The following RIPOR2 variants were observed in gnomAD, a reference collection of about 807,000 sequenced individuals.
RIPOR2 encodes the protein rho family-interacting cell polarization regulator 2.
In RIPOR2, 39 loss-of-function variants were observed where a neutral mutation model predicts 114.5. The observed-to-expected ratio is 0.34, with a 90% confidence interval of 0.26 to 0.44. The LOEUF is 0.44. Among genes scored for constraint, RIPOR2 ranks in the 20% least tolerant of loss-of-function variants. RIPOR2 has a pLI of 1.00. For synonymous variants in RIPOR2, 445 were observed against 484.4 expected (o/e 0.92, Z 1.07); for missense variants, 1,007 against 1,255.1 (o/e 0.80, Z 2.99).
At chr6:24,987,471 G>A (rs1165260171) in intron 1 of RIPOR2, among the ~76,000 whole-genome samples, 2 of 152,174 alleles carry the variant, frequency 1.3e-5, no homozygotes, top group Non-Finnish European at 2.9e-5. Context: ...TGCAAGACAA[G>A]CTGTCCCAGA....
chr6:24,833,411 G>T (rs1255211218), intron 15 of RIPOR2, among the ~76,000 whole-genome samples: 2 of 152,084 alleles, frequency 1.3e-5, no homozygotes, highest in Non-Finnish European at 2.9e-5. Flanking sequence ...TGAGGCAGGA[G>T]AGTCGCTTGA....
At chr6:24,996,526 T>C (rs1178404876) in intron 1 of RIPOR2, among the ~76,000 whole-genome samples, 1 of 152,208 alleles carries the variant, frequency 6.6e-6, no homozygotes, top group Admixed American at 6.5e-5. Context: ...TGAATGGCCT[T>C]ATGCCCTCAA....
At chr6:24,964,311 C>A (rs1773433842) in intron 1 of RIPOR2, among the ~76,000 whole-genome samples, 1 of 152,186 alleles carries the variant, frequency 6.6e-6, no homozygotes, top group Non-Finnish European at 1.5e-5. Flanking sequence ...CCTCCCATCA[C>A]TGTCCTTAAT....
At chr6:25,030,082 CCT>C (rs1280258613) in intron 1 of RIPOR2, among the ~76,000 whole-genome samples, 4 of 152,082 alleles carry the variant, frequency 2.6e-5, no homozygotes, top group African/African-American at 9.6e-5. Flanking sequence ...GTGTCTCTCC[CCT>C]CTCTCCCATC....
chr6:24,957,531 G>A (rs1049286217), intron 1 of RIPOR2, among the ~76,000 whole-genome samples: 15 of 152,208 alleles, frequency 9.9e-5, no homozygotes, highest in Non-Finnish European at 8.8e-5. Context: ...AGAGCCATGG[G>A]AGTCAGGAAA....
intron 4 of RIPOR2, among the ~76,000 whole-genome samples, chr6:24,872,400 A>G (rs931209776): frequency 3.9e-5 from 6 of 152,064 alleles, no homozygotes; most frequent in African/African-American, 1.4e-4. Context: ...AAAAACACAG[A>G]CGGGGGGTGG....
chr6:24,965,695 A>T (rs1381764336), intron 1 of RIPOR2, among the ~76,000 whole-genome samples: 1 of 152,188 alleles, frequency 6.6e-6, no homozygotes, highest in Non-Finnish European at 1.5e-5. Flanking sequence ...TGATTTTTTT[A>T]AAAAACATTT....
At chr6:24,806,633 T>C (rs1780790196) in intron 21 of RIPOR2, among the ~76,000 whole-genome samples, 160 bp from the exon 22 acceptor site, 1 of 152,224 alleles carries the variant, frequency 6.6e-6, no homozygotes, top group Non-Finnish European at 1.5e-5. Flanking sequence ...ATTATGTCAT[T>C]GTTTTCCAGG....
At chr6:24,874,772 A>T (rs1250944635) in intron 2 of RIPOR2, among the ~76,000 whole-genome samples, 1 of 152,246 alleles carries the variant, frequency 6.6e-6, no homozygotes, top group Non-Finnish European at 1.5e-5. Context: ...CTTTTCGATA[A>T]GGGACCATAA....
At position 24,806,231 on chromosome 6, in the gene RIPOR2, G is replaced by T; in HGVS notation, c.*142C>A. ...GCCTCCCAAAGTACTGGGATTACAG[G>T]CATGAGCCACTGCACCTGGCCTACA... On this transcript the variant is annotated 3_prime_UTR_variant, in exon 22 of 22. Coordinates refer to ENST00000643898, the MANE Select transcript of RIPOR2 (RefSeq NM_001286445.3). 1 of 679,854 alleles carries T rather than the reference G, an allele frequency of 1.5e-6. No individual in the cohort carries two copies. The highest frequency in any genetic ancestry group is 1.7e-5 in the South Asian group (1 of 59,114). 42.1% of individuals were successfully genotyped at this position (679,854 alleles called of 1,614,324 possible).
At chr6:24,926,211 C>T (rs1770847694) in intron 1 of RIPOR2, among the ~76,000 whole-genome samples, 1 of 152,152 alleles carries the variant, frequency 6.6e-6, no homozygotes, top group Non-Finnish European at 1.5e-5. Context: ...TAAAAGAACT[C>T]TGTAAAGTGG....
At chr6:24,914,692 C>T (rs989333963) in intron 1 of RIPOR2, among the ~76,000 whole-genome samples, 11 of 152,282 alleles carry the variant, frequency 7.2e-5, no homozygotes, top group East Asian at 5.8e-4. Context: ...GGTTGAAGAA[C>T]GGACTCAGCC....
rs76646297 is a variant in RIPOR2, at chr6:24,906,320, C to T, written c.61+29518G>A. ...AGACCCTCTGTGCCTTCAGGGAGCTCACAGTCTTCCTAGTCTTTTTGTCTG... is the reference window on the plus strand; with the variant it reads ...AGACCCTCTGTGCCTTCAGGGAGCTTACAGTCTTCCTAGTCTTTTTGTCTG... On this transcript the variant is annotated intron_variant, in intron 1 of 21. Transcript: ENST00000643898. Among the ~76,000 whole-genome samples the T allele has an allele frequency of 2.7e-3, 415 of 152,296 alleles. 2 individuals are homozygous for T. The highest frequency in any genetic ancestry group is 6.8e-3 in the Middle Eastern group (2 of 294).
chr6:24,974,674 T>C (rs1011937787), intron 1 of RIPOR2, among the ~76,000 whole-genome samples: 1 of 152,222 alleles, frequency 6.6e-6, no homozygotes, highest in African/African-American at 2.4e-5. Context: ...GAAATGAAGA[T>C]ATTTGTCCAC....
At chr6:24,853,503 A>G (rs1263569529) in intron 8 of RIPOR2, among the ~76,000 whole-genome samples, 1 of 152,228 alleles carries the variant, frequency 6.6e-6, no homozygotes, top group Non-Finnish European at 1.5e-5. Context: ...ATGGATACCC[A>G]TGATATAGAA....
intron 1 of RIPOR2, among the ~76,000 whole-genome samples, chr6:24,934,544 CA>C (rs1236142037): frequency 2.0e-5 from 3 of 152,196 alleles, no homozygotes; most frequent in African/African-American, 7.2e-5. Context: ...TTCTTTGCGA[CA>C]CTCTAATTTT....
intron 20 of RIPOR2, among the ~76,000 whole-genome samples, chr6:24,811,759 A>C (rs1781194550): frequency 4.0e-5 from 1 of 25,262 alleles, no homozygotes; most frequent in Middle Eastern, 0.017. Context: ...TACATGTGCC[A>C]TGCTGGTGCG....
intron 1 of RIPOR2, among the ~76,000 whole-genome samples, chr6:24,923,826 C>T (rs897241936): frequency 7.9e-5 from 12 of 151,706 alleles, no homozygotes; most frequent in African/African-American, 1.5e-4. Context: ...CCAGCCTCAG[C>T]GACAGAGTAA....
intron 1 of RIPOR2, among the ~76,000 whole-genome samples, chr6:25,035,323 C>T (rs1311835205): frequency 6.6e-6 from 1 of 152,190 alleles, no homozygotes; most frequent in Non-Finnish European, 1.5e-5. Flanking sequence ...TCCTCACTGA[C>T]CTCCTCTCAA....
Sources: gnomAD v4.1 joint callset for allele counts (sites outside exome capture counted in the v4.1 genomes callset) on GRCh38, gnomAD v4.1.1 for gene constraint, MANE v1.5 for transcripts, NCBI Gene and HGNC (gene_info 2026-07-23, HGNC 2026-07-21) for gene names.